Variants in ZNF385B observed in about 807,000 individuals in gnomAD.
The protein encoded by ZNF385B is zinc finger protein 533.
In ZNF385B, 23 loss-of-function variants were observed where a neutral mutation model predicts 39.2. That is an observed-to-expected ratio of 0.59 (90% CI 0.42 to 0.83). The LOEUF (loss-of-function observed/expected upper bound fraction) is 0.83, where lower values mean the gene tolerates loss of function less well. Ranked by LOEUF, ZNF385B falls within the 40% of genes least tolerant of loss-of-function variation. ZNF385B has a pLI of 0.00. For missense variants in ZNF385B, 552 were observed against 598.9 expected (o/e 0.92, Z 0.82); for synonymous variants, 205 against 222.6 (o/e 0.92, Z 0.70).
At position 179,577,426 on chromosome 2, in the gene ZNF385B, G is replaced by A. The variant is rs554954791; in HGVS notation, c.299-32457C>T. Among the ~76,000 whole-genome samples the A allele has an allele frequency of 2.6e-5, 4 of 152,150 alleles. No homozygotes were observed. The South Asian group carries it at 8.3e-4, about 32-fold the overall frequency. ...TTTCTCTAATAGTGTATGCCAAAAA[G>A]TATATATGAATATGGTTCCTTTTCT... On this transcript the variant is annotated intron_variant, in intron 3 of 9. Coordinates refer to ENST00000410066, the MANE Select transcript of ZNF385B (RefSeq NM_152520.6).
intron 3 of ZNF385B, chr2:179,576,347 G>A (rs1685813007): frequency 4.7e-6 from 1 of 212,832 alleles, no homozygotes; most frequent in African/African-American, 2.4e-5. Flanking sequence ...CATATGTCCT[G>A]AGGGTTAGGG....
intron 3 of ZNF385B, among the ~76,000 whole-genome samples, chr2:179,620,507 G>A (rs1355746405): frequency 6.6e-6 from 1 of 151,410 alleles, no homozygotes; most frequent in Non-Finnish European, 1.5e-5. Flanking sequence ...AACCTATGGA[G>A]GCCACAAAGA....
chr2:179,493,689 A>ATATACG (rs1553572266), intron 5 of ZNF385B, among the ~76,000 whole-genome samples: 10 of 96,114 alleles, frequency 1.0e-4, no homozygotes, highest in Non-Finnish European at 2.0e-4. Context: ...ACATATACAC[A>ATATACG]TATATACATA....
intron 3 of ZNF385B, among the ~76,000 whole-genome samples, chr2:179,552,421 C>T (rs995715096): frequency 6.7e-6 from 1 of 149,066 alleles, no homozygotes; most frequent in African/African-American, 2.5e-5. Context: ...TATGCATGTT[C>T]CCATCAGTGA....
At chr2:179,561,850 G>A (rs556539180) in intron 3 of ZNF385B, among the ~76,000 whole-genome samples, 6 of 152,174 alleles carry the variant, frequency 3.9e-5, no homozygotes, top group South Asian at 2.1e-4. Context: ...GAGCTTTGAC[G>A]TGAACTAGAT....
In ZNF385B at chr2:179,476,281, C is replaced by A. The variant is rs1334911368; in HGVS notation, c.715+6991G>T. Reference sequence around the variant, plus strand: ...AATTATTCAATGTACATACAAAATCCTTTTATATTCCAATATCTTTTTAAG... The same window carrying A: ...AATTATTCAATGTACATACAAAATCATTTTATATTCCAATATCTTTTTAAG... On this transcript the variant is annotated intron_variant, in intron 6 of 9. Coordinates refer to ENST00000410066, the MANE Select transcript of ZNF385B (RefSeq NM_152520.6). Among the ~76,000 whole-genome samples the A allele has an allele frequency of 3.9e-5, 6 of 152,026 alleles. 1 individual carries two copies. The highest frequency in any genetic ancestry group is 6.5e-5 in the Admixed American group (1 of 15,280).
intron 3 of ZNF385B, among the ~76,000 whole-genome samples, chr2:179,609,467 C>T (rs987685727): frequency 6.6e-6 from 1 of 152,114 alleles, no homozygotes; most frequent in African/African-American, 2.4e-5. Context: ...TTTTCTTATC[C>T]ATTAATCTGT....
At chr2:179,486,565 T>G (rs937930045) in intron 5 of ZNF385B, among the ~76,000 whole-genome samples, 4 of 152,222 alleles carry the variant, frequency 2.6e-5, no homozygotes, top group Non-Finnish European at 5.9e-5. Flanking sequence ...AAATACGTAC[T>G]TAATTCATGG....
At chr2:179,606,577 A>C (rs948582933) in intron 3 of ZNF385B, among the ~76,000 whole-genome samples, 1 of 152,114 alleles carries the variant, frequency 6.6e-6, no homozygotes, top group African/African-American at 2.4e-5. Flanking sequence ...GAGATTTACT[A>C]TCTATGAACA....
At chr2:179,683,323 G>A (rs1697673926) in intron 3 of ZNF385B, among the ~76,000 whole-genome samples, 1 of 151,948 alleles carries the variant, frequency 6.6e-6, no homozygotes, top group African/African-American at 2.4e-5. Flanking sequence ...CTGGGAGGTG[G>A]AGGTTTCAGT....
chr2:179,515,057 C>T (rs762219792), intron 5 of ZNF385B, among the ~76,000 whole-genome samples: 2 of 152,062 alleles, frequency 1.3e-5, no homozygotes, highest in African/African-American at 4.8e-5. Flanking sequence ...GGATTACAGG[C>T]GTGAGCCATT....
At chr2:179,755,073 C>T (rs1027908268) in intron 3 of ZNF385B, among the ~76,000 whole-genome samples, 4 of 152,168 alleles carry the variant, frequency 2.6e-5, no homozygotes, top group African/African-American at 9.7e-5. Flanking sequence ...GCATTTAGTG[C>T]TATAAATTTC....
intron 3 of ZNF385B, among the ~76,000 whole-genome samples, chr2:179,563,704 T>C (rs935488323): frequency 6.6e-6 from 1 of 152,108 alleles, no homozygotes; most frequent in African/African-American, 2.4e-5. Context: ...AAATGAAACA[T>C]AGTATGCTAG....
chr2:179,445,708 C>A lies in ZNF385B; in HGVS notation c.982G>T (p.Val328Phe). ...GGACCAGCCCCATTACGAGCTTCAACCATGGTCTTGTGTTTAGATCCTAAG... is the reference window on the plus strand; with the variant it reads ...GGACCAGCCCCATTACGAGCTTCAAACATGGTCTTGTGTTTAGATCCTAAG... ...HNTGSKHKTM[V>F]EARNGAGPIK... Residue 328 changes from valine to phenylalanine, a missense_variant, in exon 8 of 10, where the codon GTT (valine) becomes TTT (phenylalanine). Val to Phe is a conservative substitution (Grantham distance 50). Coordinates refer to ENST00000410066, the MANE Select transcript of ZNF385B (RefSeq NM_152520.6). 3 of 1,611,840 alleles carry A rather than the reference C, an allele frequency of 1.9e-6. No individual in the cohort carries two copies. The highest frequency in any genetic ancestry group is 2.5e-6 in the Non-Finnish European group (3 of 1,179,112).
intron 3 of ZNF385B, among the ~76,000 whole-genome samples, chr2:179,735,274 T>C (rs1449879184): frequency 2.0e-5 from 3 of 149,256 alleles, no homozygotes; most frequent in Admixed American, 6.7e-5. Flanking sequence ...AAAAAACACA[T>C]GAAAAATTGC....
At chr2:179,678,842 C>G (rs1210796761) in intron 3 of ZNF385B, among the ~76,000 whole-genome samples, 1 of 152,096 alleles carries the variant, frequency 6.6e-6, no homozygotes, top group Non-Finnish European at 1.5e-5. Context: ...ACCTCCTATC[C>G]CCACGGAAAT....
chr2:179,814,909 C>T (rs1022457860), intron 1 of ZNF385B, among the ~76,000 whole-genome samples: 1 of 152,142 alleles, frequency 6.6e-6, no homozygotes, highest in African/African-American at 2.4e-5. Context: ...AGTTGCATCA[C>T]AGTTGGTAAA....
chr2:179,751,911 T>G lies in ZNF385B; in HGVS notation c.298+17592A>C, dbSNP rs946851380. On this transcript the variant is annotated intron_variant, in intron 3 of 9. Coordinates refer to ENST00000410066, the MANE Select transcript of ZNF385B (RefSeq NM_152520.6). ...AAGCTCATTTTAAAATCTCTTTTTTTAATTTATTTACTAATTGAATTTTAG... is the reference window on the plus strand; with the variant it reads ...AAGCTCATTTTAAAATCTCTTTTTTGAATTTATTTACTAATTGAATTTTAG... Among the ~76,000 whole-genome samples the G allele has an allele frequency of 3.3e-5, 5 of 152,262 alleles. No individual in the cohort carries two copies. In the East Asian group the frequency reaches 9.7e-4, roughly 29 times the overall value.
At chr2:179,657,403 T>G (rs1329419015) in intron 3 of ZNF385B, among the ~76,000 whole-genome samples, 1 of 152,224 alleles carries the variant, frequency 6.6e-6, no homozygotes, top group Non-Finnish European at 1.5e-5. Flanking sequence ...AAGAAACTGC[T>G]CAAAACCGTG....
Sources: gnomAD v4.1 joint callset for allele counts (sites outside exome capture counted in the v4.1 genomes callset) on GRCh38, gnomAD v4.1.1 for gene constraint, MANE v1.5 for transcripts, NCBI Gene and HGNC (gene_info 2026-07-23, HGNC 2026-07-21) for gene names.